Variants in PTPRD observed in about 807,000 individuals in gnomAD.
The protein encoded by PTPRD is receptor-type tyrosine-protein phosphatase delta.
In PTPRD, 34 loss-of-function variants were observed where a neutral mutation model predicts 214.5. That is an observed-to-expected ratio of 0.16 (90% CI 0.12 to 0.21). The LOEUF (loss-of-function observed/expected upper bound fraction) is 0.21. Among genes scored for constraint, PTPRD ranks in the 10% least tolerant of loss-of-function variants. The pLI is 1.00. For missense variants in PTPRD, 2,545 were observed against 2,398.7 expected (o/e 1.06, Z -1.27); for synonymous variants, 1,128 against 845.7 (o/e 1.33, Z -5.79).
In PTPRD at chr9:9,779,078, C is replaced by CAAAAAAAAAAA. The variant is rs869120926; in HGVS notation, c.-367-12238_-367-12228dup. Among the ~76,000 whole-genome samples, 404 of 45,474 alleles carry CAAAAAAAAAAA rather than the reference C, an allele frequency of 8.9e-3. 58 individuals are homozygous for CAAAAAAAAAAA. Among genetic ancestry groups the CAAAAAAAAAAA allele is most frequent in the African/African-American group, 0.025 (278 of 11,264 alleles). The allele number at this position is 45,474 out of a possible 152,430, so 29.8% of individuals were successfully genotyped here. Reference sequence around the variant, plus strand: ...GCCATGTGATCTTTCATAAGACTGACAAAAAAAAAAAAAAAAAAAAAAAAA... The same window carrying CAAAAAAAAAAA: ...GCCATGTGATCTTTCATAAGACTGACAAAAAAAAAAAAAAAAAAAAAAAAAAAAAAAAAAAA... On this transcript the variant is annotated intron_variant, in intron 5 of 45. Transcript: ENST00000381196.
intron 35 of PTPRD, among the ~76,000 whole-genome samples, chr9:8,434,976 T>C (rs2095282716): frequency 6.6e-6 from 1 of 152,218 alleles, no homozygotes; most frequent in African/African-American, 2.4e-5. Context: ...GGTGTGAATT[T>C]TCCTAGCATT....
At chr9:10,527,870 T>C (rs868238950) in intron 2 of PTPRD, among the ~76,000 whole-genome samples, 4 of 152,178 alleles carry the variant, frequency 2.6e-5, no homozygotes, top group South Asian at 4.1e-4. Context: ...ATTTATGGCA[T>C]TATGAGAAAG....
chr9:8,541,949 C>T (rs2078549504), intron 14 of PTPRD, among the ~76,000 whole-genome samples: 1 of 152,068 alleles, frequency 6.6e-6, no homozygotes, highest in East Asian at 1.9e-4. Context: ...CAAAGTAAAA[C>T]TGCCAAACAA....
At chr9:10,611,655 C>A (rs1438902845) in intron 2 of PTPRD, among the ~76,000 whole-genome samples, 1 of 152,158 alleles carries the variant, frequency 6.6e-6, no homozygotes, top group African/African-American at 2.4e-5. Context: ...CCTTAGGAGA[C>A]ACCTTAAACC....
In PTPRD at chr9:8,499,823, G is replaced by A. The variant is rs1273962518; in HGVS notation, c.2146C>T (p.Arg716Cys). The stretch of plus-strand genomic sequence containing the variant: ...TTGACAGCCTCTACCTCGACTTTGC[G>A]AGGAGGACCACTAGGAACTGGAACA... ...TNEDVPSGPP[R>C]KVEVEAVNST... The change falls in exon 25 of 46, where the codon CGC (arginine) becomes TGC (cysteine). Residue 716 changes from arginine (R) to cysteine (C), a missense_variant. By Grantham distance (180) the Arg-to-Cys change is radical. Transcript: ENST00000381196. 7 of 1,611,930 alleles carry A rather than the reference G, an allele frequency of 4.3e-6. No individual in the cohort carries two copies. Among genetic ancestry groups the A allele is most frequent in the Non-Finnish European group, 5.1e-6 (6 of 1,179,130 alleles).
intron 3 of PTPRD, among the ~76,000 whole-genome samples, chr9:10,301,002 C>G (rs755569109): frequency 2.0e-5 from 3 of 152,086 alleles, no homozygotes; most frequent in African/African-American, 7.2e-5. Context: ...TGACAGACAC[C>G]TCATACAGGA....
intron 39 of PTPRD, among the ~76,000 whole-genome samples, chr9:8,367,669 T>C (rs952022090): frequency 2.6e-5 from 4 of 152,200 alleles, no homozygotes; most frequent in African/African-American, 9.6e-5. Flanking sequence ...CATGCACATG[T>C]TTTCTACTCT....
chr9:8,490,521 T>C (rs1428231459), intron 27 of PTPRD, among the ~76,000 whole-genome samples: 2 of 152,176 alleles, frequency 1.3e-5, no homozygotes, highest in African/African-American at 2.4e-5. Flanking sequence ...TCCTTAAACA[T>C]AGCTGTTCAA....
intron 11 of PTPRD, among the ~76,000 whole-genome samples, chr9:8,971,334 T>C (rs2099236860): frequency 1.3e-5 from 2 of 151,516 alleles, no homozygotes; most frequent in African/African-American, 2.4e-5. Context: ...AAATGAGAAA[T>C]TAAAAAAAAC....
chr9:9,430,917 G>A (rs930384299), intron 8 of PTPRD, among the ~76,000 whole-genome samples: 4 of 152,184 alleles, frequency 2.6e-5, no homozygotes, highest in African/African-American at 7.2e-5. Flanking sequence ...ATGGATTAAA[G>A]ACTTAAATTT....
chr9:8,822,313 A>T (rs2154527046), intron 11 of PTPRD, among the ~76,000 whole-genome samples: 1 of 152,302 alleles, frequency 6.6e-6, no homozygotes, highest in African/African-American at 2.4e-5. Context: ...CTAGTACCCT[A>T]ACTGCTATCA....
At chr9:8,601,365 G>A (rs1594967077) in intron 14 of PTPRD, among the ~76,000 whole-genome samples, 1 of 152,186 alleles carries the variant, frequency 6.6e-6, no homozygotes, top group Non-Finnish European at 1.5e-5. Context: ...CCTGCAGACT[G>A]TAGAGCCCTA....
At chr9:9,263,042 A>C (rs1483973219) in intron 9 of PTPRD, among the ~76,000 whole-genome samples, 1 of 151,662 alleles carries the variant, frequency 6.6e-6, no homozygotes, top group Non-Finnish European at 1.5e-5. Flanking sequence ...CAAGGGATTA[A>C]TAGAAATGCT....
chr9:9,061,736 T>C (rs945276900), intron 10 of PTPRD, among the ~76,000 whole-genome samples: 1 of 152,202 alleles, frequency 6.6e-6, no homozygotes, highest in Non-Finnish European at 1.5e-5. Context: ...GCTGTTATTC[T>C]GTATCCTACC....
chr9:8,585,282 C>T (rs1473405296), intron 14 of PTPRD, among the ~76,000 whole-genome samples: 1 of 152,030 alleles, frequency 6.6e-6, no homozygotes, highest in African/African-American at 2.4e-5. Context: ...TAGATGGAAA[C>T]AAATTTATTA....
At chr9:9,227,416 A>G (rs2099960207) in intron 9 of PTPRD, among the ~76,000 whole-genome samples, 1 of 152,136 alleles carries the variant, frequency 6.6e-6, no homozygotes. Flanking sequence ...AAATCCCATC[A>G]GCTATCTGGC....
At chr9:8,347,639 C>T (rs1277413962) in intron 39 of PTPRD, among the ~76,000 whole-genome samples, 2 of 152,114 alleles carry the variant, frequency 1.3e-5, no homozygotes, top group African/African-American at 2.4e-5. Context: ...GAAACGCTAA[C>T]CCCCAGTGTG....
At chr9:9,220,319 T>TTTTA (rs1555012243) in intron 9 of PTPRD, among the ~76,000 whole-genome samples, 1 of 148,546 alleles carries the variant, frequency 6.7e-6, no homozygotes. Context: ...GCTTTTTTTT[T>TTTTA]AAAAGCACTA....
At chr9:8,526,991 T>C (rs1291903823) in intron 16 of PTPRD, among the ~76,000 whole-genome samples, 3 of 151,968 alleles carry the variant, frequency 2.0e-5, no homozygotes, top group African/African-American at 4.8e-5. Context: ...TTTAAAGACA[T>C]AGTTTAGGAA....
Sources: gnomAD v4.1 joint callset for allele counts (sites outside exome capture counted in the v4.1 genomes callset) on GRCh38, gnomAD v4.1.1 for gene constraint, MANE v1.5 for transcripts, NCBI Gene and HGNC (gene_info 2026-07-23, HGNC 2026-07-21) for gene names.